MTCH1: variants seen among roughly 807,000 people sequenced by gnomAD.
MTCH1 encodes mitochondrial carrier 1, also known as mitochondrial carrier homolog 1.
Under a neutral mutation model 49.3 loss-of-function variants are expected in MTCH1, and 23 were observed. The ratio of observed to expected loss-of-function variants is 0.47; its 90% CI spans 0.34 to 0.66. The LOEUF (loss-of-function observed/expected upper bound fraction) is 0.66, where lower values mean the gene tolerates loss of function less well. Among genes scored for constraint, MTCH1 ranks in the 30% least tolerant of loss-of-function variants. The probability of loss-of-function intolerance (pLI) is 0.01; values close to 1 mark genes in which losing one functional copy is unlikely to be tolerated. For synonymous variants in MTCH1, 229 were observed against 215.2 expected (o/e 1.06, Z -0.56); for missense variants, 397 against 532.1 (o/e 0.75, Z 2.50).
At chr6:36,981,712 G>C (rs192801436) in intron 1 of MTCH1, 40 bp from the exon 2 acceptor site, 4 of 1,569,062 alleles carry the variant, frequency 2.5e-6, no homozygotes, top group Non-Finnish European at 3.5e-6. Context: ...TCAGAGTCTC[G>C]TGGTGATTCA....
chr6:36,970,193 C>A, intron 10 of MTCH1, 79 bp from the exon 11 acceptor site: 2 of 1,517,408 alleles, frequency 1.3e-6, no homozygotes, highest in Non-Finnish European at 1.8e-6. Flanking sequence ...AGAAGGAATG[C>A]CTTCAGGCTA....
intron 8 of MTCH1, chr6:36,970,997 T>C (rs1763666450): frequency 2.1e-6 from 1 of 473,080 alleles, no homozygotes; most frequent in Admixed American, 3.4e-5. Flanking sequence ...CATCCAGGGC[T>C]TGGCACGCAG....
In MTCH1 at chr6:36,977,360, C is replaced by T. The variant is rs16889344; in HGVS notation, c.650-110G>A. On this transcript the variant is annotated intron_variant, in intron 5 of 11. Transcript: ENST00000373627. The surrounding 1 kb of genome is among the most constrained non-coding windows in gnomAD (Gnocchi z 5.4). ...TGGCCACTGAACAACGTGGCCTATT[C>T]AGAGAGCAGGAGAGGAAGAGGGCCT... 119,491 of 1,171,004 alleles carry T rather than the reference C, an allele frequency of 0.1. 7,583 individuals are homozygous for T. Among genetic ancestry groups the T allele is most frequent in the African/African-American group, 0.23 (15,220 of 66,364 alleles). 72.5% of individuals were successfully genotyped at this position (1,171,004 alleles called of 1,614,324 possible).
Position 36,969,089 on chromosome 6 carries a change from G to A in MTCH1, c.1099-115C>T, listed in dbSNP as rs76114231. Reference sequence around the variant, plus strand: ...TCCAGGAGCTCAAAGACCCAGCTCCGGGGTGGACGGCCTCGGCCTACATCC... The same window carrying A: ...TCCAGGAGCTCAAAGACCCAGCTCCAGGGTGGACGGCCTCGGCCTACATCC... On this transcript the variant is annotated intron_variant, in intron 11 of 11. Transcript: ENST00000373627. 1,036 of 1,476,358 alleles carry A rather than the reference G, an allele frequency of 7.0e-4. 1 individual carries two copies. The African/African-American group carries it at 0.013, about 19-fold the overall frequency. 91.5% of individuals were successfully genotyped at this position (1,476,358 alleles called of 1,614,324 possible).
rs780382126 is a variant in MTCH1, at chr6:36,972,681, G to GC, written c.876dup (p.Leu293AlafsTer100). On this transcript the variant is annotated frameshift_variant, in exon 8 of 12. Transcript: ENST00000373627. LOFTEE classifies it high-confidence loss of function. The surrounding 1 kb of genome is among the most constrained non-coding windows in gnomAD (Gnocchi z 4.1). ...GAACCTGGATTCTGGTCGTTTCCCA[G>GC]CCCCCCTGGGGTGTCACTCACGCTG... The GC allele has an allele frequency of 4.7e-5, 73 of 1,551,020 alleles. No homozygotes were observed. Among genetic ancestry groups the GC allele is most frequent in the Non-Finnish European group, 6.0e-5 (69 of 1,146,544 alleles).
chr6:36,969,598 G>A, intron 11 of MTCH1: 8 of 1,178,072 alleles, frequency 6.8e-6, no homozygotes, highest in Non-Finnish European at 8.5e-6. Flanking sequence ...GGCTCTCCTG[G>A]GCCCAGGAAT....
rs1256973969 is a variant in MTCH1, at chr6:36,968,752, G to A, written c.*151C>T. The A allele has an allele frequency of 1.6e-6, 2 of 1,260,574 alleles. No homozygotes were observed. Among genetic ancestry groups the A allele is most frequent in the Non-Finnish European group, 2.3e-6 (2 of 886,752 alleles). The allele number at this position is 1,260,574 out of a possible 1,614,324, so 78.1% of individuals were successfully genotyped here. A position where few individuals can be genotyped will look rare whatever the true frequency, so the allele number is the denominator to read the frequency against. On this transcript the variant is annotated 3_prime_UTR_variant, in exon 12 of 12. Transcript: ENST00000373627. Reference sequence around the variant, plus strand: ...CCACCCCCGCTCAACCCCACATCTGGACAGACACATGGCAAATATGGAACT... The same window carrying A: ...CCACCCCCGCTCAACCCCACATCTGAACAGACACATGGCAAATATGGAACT...
chr6:36,986,231 C>A (rs1226809845), upstream of MTCH1: 12 of 1,359,622 alleles, frequency 8.8e-6, no homozygotes, highest in Admixed American at 4.8e-4. Flanking sequence ...CCCTCACCGG[C>A]GTCAGGGGGC....
rs1193586456 is a variant in MTCH1 at position 36,975,665 on chromosome 6, A to G, written c.754T>C (p.Phe252Leu). ...KIFKEEGLLG[F>L]FVGLIPHLLG... ...GTGTATAAACTCACGTACACGAAGAATCCCAGCAGCCCTTCCTCTTTGAAA... is the reference window on the plus strand; with the variant it reads ...GTGTATAAACTCACGTACACGAAGAGTCCCAGCAGCCCTTCCTCTTTGAAA... Residue 252 changes from phenylalanine to leucine, a missense_variant, in exon 7 of 12, where the codon TTC (phenylalanine) becomes CTC (leucine). Around this residue, in one of 2 missense-constraint regions of MTCH1, gnomAD observed 252 missense variants for 388.3 expected, o/e 0.65. Transcript: ENST00000373627. The G allele has an allele frequency of 6.2e-7, 1 of 1,614,000 alleles. No homozygotes were observed. The highest frequency in any genetic ancestry group is 1.3e-5 in the African/African-American group (1 of 74,922).
At chr6:36,986,227 C>T (rs887352060), upstream of MTCH1, 7 of 1,369,810 alleles carry the variant, frequency 5.1e-6, no homozygotes, top group Middle Eastern at 2.6e-4. Flanking sequence ...CGCCCCCTCA[C>T]CGGCGTCAGG....
chr6:36,976,541 C>A (rs1312477964), intron 6 of MTCH1: 1 of 471,146 alleles, frequency 2.1e-6, no homozygotes, highest in Admixed American at 2.3e-5. Context: ...CCATTAATGA[C>A]CCCAAAATGA....
chr6:36,985,832 A>C, intron 1 of MTCH1, 21 bp downstream of exon 1: 1 of 1,547,722 alleles, frequency 6.5e-7, no homozygotes, highest in Non-Finnish European at 8.7e-7. Flanking sequence ...CCATCTCCCT[A>C]CGGCGCCTCT....
At chr6:36,974,846 C>T (rs1233613321) in intron 7 of MTCH1, among the ~76,000 whole-genome samples, 4 of 152,098 alleles carry the variant, frequency 2.6e-5, no homozygotes, top group Admixed American at 1.3e-4. Context: ...TCTAGTACAG[C>T]GGATACTGTT....
At position 36,977,744 on chromosome 6, in the gene MTCH1, T is replaced by C. The variant is rs1316611070; in HGVS notation, c.592-53A>G. 4 of 1,503,842 alleles carry C rather than the reference T, an allele frequency of 2.7e-6. No individual in the cohort carries two copies. Among genetic ancestry groups the C allele is most frequent in the Non-Finnish European group, 3.6e-6 (4 of 1,098,788 alleles). 93.2% of individuals were successfully genotyped at this position (1,503,842 alleles called of 1,614,324 possible). The stretch of plus-strand genomic sequence containing the variant: ...GCCACCCTCGGCCTGTCTCTGGAAC[T>C]GGCCCTCGAGGGGAGCTACAAGTGC... On this transcript the variant is annotated intron_variant, in intron 4 of 11. Coordinates refer to ENST00000373627, the MANE Select transcript of MTCH1 (RefSeq NM_001271641.2). The surrounding 1 kb of genome is among the most constrained non-coding windows in gnomAD (Gnocchi z 5.4).
intron 11 of MTCH1, 57 bp from the exon 12 acceptor site, chr6:36,969,031 C>T: frequency 5.0e-6 from 8 of 1,595,128 alleles, no homozygotes; most frequent in Non-Finnish European, 5.1e-6. Flanking sequence ...CCTTGTCCCT[C>T]CGAGAGGAAG....
At chr6:36,970,777 C>T in intron 8 of MTCH1, 83 bp from the exon 9 acceptor site, 1 of 1,421,704 alleles carries the variant, frequency 7.0e-7, no homozygotes. Context: ...ACCCCACCCT[C>T]TGTGCTGAGC....
intron 8 of MTCH1, among the ~76,000 whole-genome samples, chr6:36,971,623 T>G (rs1583249774): frequency 1.3e-5 from 2 of 152,026 alleles, no homozygotes; most frequent in Non-Finnish European, 2.9e-5. Flanking sequence ...CCAGGTCAAG[T>G]GGCCAGTCTC....
At chr6:36,978,850 TCTTC>T (rs1312154255) in intron 2 of MTCH1, among the ~76,000 whole-genome samples, 2 of 151,214 alleles carry the variant, frequency 1.3e-5, no homozygotes, top group African/African-American at 4.9e-5. Context: ...TCATATATTT[TCTTC>T]CTTCCTTCCC....
Position 36,972,870 on chromosome 6 carries a change from C to A in MTCH1, c.762-74G>T. The stretch of plus-strand genomic sequence containing the variant: ...TCCTGGGGGCTCCACACCCAGGAAG[C>A]AGGCAGGGATGTTCCGAGCTCAAAA... On this transcript the variant is annotated intron_variant, in intron 7 of 11. Transcript: ENST00000373627. The surrounding 1 kb of genome is among the most constrained non-coding windows in gnomAD (Gnocchi z 4.1). The A allele has an allele frequency of 7.0e-7, 1 of 1,427,202 alleles. No individual in the cohort carries two copies. Among genetic ancestry groups the A allele is most frequent in the South Asian group, 1.3e-5 (1 of 76,186 alleles). 88.4% of individuals were successfully genotyped at this position (1,427,202 alleles called of 1,614,324 possible).
Sources: allele counts gnomAD v4.1 joint callset (sites outside exome capture counted in the v4.1 genomes callset), GRCh38; gene constraint gnomAD v4.1.1; regional missense constraint gnomAD v4.1.1; non-coding constraint Gnocchi (gnomAD v3.1); transcripts MANE v1.5; gene names NCBI Gene and HGNC (gene_info 2026-07-23, HGNC 2026-07-21).